The following KCNAB1 variants were observed in gnomAD, a reference collection of about 807,000 sequenced individuals.
KCNAB1 encodes the protein voltage-gated potassium channel subunit beta-1.
A neutral mutation model predicts 64.6 loss-of-function variants in KCNAB1; 35 were observed. The ratio of observed to expected loss-of-function variants is 0.54; its 90% confidence interval spans 0.41 to 0.72. The LOEUF (loss-of-function observed/expected upper bound fraction) is 0.72, where lower values mean the gene tolerates loss of function less well. KCNAB1 is among the 30% of genes least tolerant of loss of function. The pLI, the probability that KCNAB1 is intolerant of heterozygous loss-of-function variation, is 0.00. For synonymous variants in KCNAB1, 177 were observed against 183.8 expected (o/e 0.96, Z 0.30); for missense variants, 401 against 512.9 (o/e 0.78, Z 2.11).
chr3:156,509,788 CCTCA>C (rs1244875868), intron 8 of KCNAB1, among the ~76,000 whole-genome samples: 1 of 152,212 alleles, frequency 6.6e-6, no homozygotes, highest in Non-Finnish European at 1.5e-5. Flanking sequence ...AACATCCTTT[CCTCA>C]CTCAGAATTG....
intron 8 of KCNAB1, among the ~76,000 whole-genome samples, chr3:156,493,189 G>A (rs1211788864): frequency 3.3e-5 from 5 of 151,960 alleles, no homozygotes; most frequent in Admixed American, 3.3e-4. Context: ...TCTCTCACCA[G>A]ATCCCTCCAG....
intron 11 of KCNAB1, among the ~76,000 whole-genome samples, chr3:156,520,891 A>G (rs1717902065): frequency 6.6e-6 from 1 of 152,208 alleles, no homozygotes; most frequent in Non-Finnish European, 1.5e-5. Context: ...AATGTGACTG[A>G]TTCTGTCCAT....
chr3:156,153,590 C>G (rs926588607), intron 1 of KCNAB1, among the ~76,000 whole-genome samples: 9 of 152,158 alleles, frequency 5.9e-5, no homozygotes, highest in African/African-American at 2.2e-4. Flanking sequence ...AAGCAGACTG[C>G]CCTCCCCACT....
chr3:156,397,051 G>T (rs1342779849), intron 1 of KCNAB1, among the ~76,000 whole-genome samples: 1 of 152,242 alleles, frequency 6.6e-6, no homozygotes, highest in African/African-American at 2.4e-5. Flanking sequence ...AATTGCCGCT[G>T]TTCCTTGAAG....
chr3:156,410,926 T>C (rs1181932807), intron 1 of KCNAB1, among the ~76,000 whole-genome samples: 1 of 152,220 alleles, frequency 6.6e-6, no homozygotes, highest in Non-Finnish European at 1.5e-5. Context: ...TTTTTGTGTG[T>C]GAATGTAAGT....
At chr3:156,425,531 C>T (rs1394198815) in intron 2 of KCNAB1, among the ~76,000 whole-genome samples, 1 of 152,114 alleles carries the variant, frequency 6.6e-6, no homozygotes, top group African/African-American at 2.4e-5. Flanking sequence ...ATTGTCAAGA[C>T]TTGAAGTCAA....
chr3:156,436,612 A>G (rs1179334117), intron 2 of KCNAB1, among the ~76,000 whole-genome samples: 1 of 152,096 alleles, frequency 6.6e-6, no homozygotes, highest in Non-Finnish European at 1.5e-5. Flanking sequence ...GGTCATTCTA[A>G]CTGGCATGAA....
intron 8 of KCNAB1, among the ~76,000 whole-genome samples, chr3:156,502,360 A>C (rs1443208216): frequency 6.6e-6 from 1 of 152,130 alleles, no homozygotes; most frequent in Non-Finnish European, 1.5e-5. Context: ...TAGTCCCTAT[A>C]ATAGAGACTC....
At chr3:156,426,894 G>A (rs1273773826) in intron 2 of KCNAB1, among the ~76,000 whole-genome samples, 2 of 152,180 alleles carry the variant, frequency 1.3e-5, no homozygotes, top group Non-Finnish European at 2.9e-5. Flanking sequence ...GCTCAAGCTT[G>A]TGATAAGCCA....
chr3:156,413,112 G>A (rs1714794447), intron 1 of KCNAB1, among the ~76,000 whole-genome samples: 1 of 152,178 alleles, frequency 6.6e-6, no homozygotes, highest in South Asian at 2.1e-4. Flanking sequence ...TTGGGACCTG[G>A]GACTTGGCCC....
chr3:156,336,855 G>A (rs549748360), intron 1 of KCNAB1, among the ~76,000 whole-genome samples: 3 of 152,306 alleles, frequency 2.0e-5, no homozygotes, highest in Non-Finnish European at 2.9e-5. Flanking sequence ...ACTTTCACAC[G>A]AGAAATCCAA....
intron 1 of KCNAB1, among the ~76,000 whole-genome samples, chr3:156,200,857 A>G (rs978382326): frequency 2.0e-5 from 3 of 152,186 alleles, no homozygotes; most frequent in Non-Finnish European, 2.9e-5. Flanking sequence ...CCACTGGGGA[A>G]CCAACCAAAC....
At chr3:156,159,133 A>G (rs995223662) in intron 1 of KCNAB1, among the ~76,000 whole-genome samples, 1 of 152,094 alleles carries the variant, frequency 6.6e-6, no homozygotes, top group Non-Finnish European at 1.5e-5. Flanking sequence ...GTGGTGGTAA[A>G]TTCATGGTAG....
chr3:156,213,241 C>A (rs1715125592), intron 1 of KCNAB1, among the ~76,000 whole-genome samples: 1 of 145,988 alleles, frequency 6.8e-6, no homozygotes, highest in Non-Finnish European at 1.5e-5. Context: ...TCTTTTGAGA[C>A]AGAGTCTCGT....
chr3:156,227,063 T>A (rs1205543237), intron 1 of KCNAB1, among the ~76,000 whole-genome samples: 2 of 152,226 alleles, frequency 1.3e-5, no homozygotes, highest in Non-Finnish European at 2.9e-5. Context: ...CAAAGCTACA[T>A]GATGATTAAG....
chr3:156,204,067 G>C (rs1714502284), intron 1 of KCNAB1, among the ~76,000 whole-genome samples: 1 of 152,250 alleles, frequency 6.6e-6, no homozygotes, highest in Non-Finnish European at 1.5e-5. Context: ...GAAAAGAAGA[G>C]CTTAGAGTAG....
At chr3:156,523,683 A>T in intron 11 of KCNAB1, 144 bp from the exon 12 acceptor site, 1 of 734,716 alleles carries the variant, frequency 1.4e-6, no homozygotes, top group East Asian at 2.5e-5. Flanking sequence ...ATTTCTTTGC[A>T]TGAAATCATC....
At chr3:156,125,102 C>T (rs1713572666) in intron 1 of KCNAB1, among the ~76,000 whole-genome samples, 1 of 151,576 alleles carries the variant, frequency 6.6e-6, no homozygotes, top group Non-Finnish European at 1.5e-5. Context: ...TACTCCACTG[C>T]ACTCCAGCCT....
rs191418025 is a variant in KCNAB1, at chr3:156,359,737, C to T, written c.276-61879C>T. ...GCATCACCATGTTATGTGATATGTA[C>T]GGCATGCCATTATAGATTATACTTT... is the stretch of plus-strand genomic sequence containing the variant. On this transcript the variant is annotated intron_variant, in intron 1 of 13. Coordinates refer to ENST00000490337, the MANE Select transcript of KCNAB1 (RefSeq NM_172160.3). Among the ~76,000 whole-genome samples the T allele has an allele frequency of 2.1e-3, 319 of 152,276 alleles. 1 individual carries two copies. The highest frequency in any genetic ancestry group is 7.1e-3 in the African/African-American group (297 of 41,550).
Sources: gnomAD v4.1 joint callset for allele counts (sites outside exome capture counted in the v4.1 genomes callset) on GRCh38, gnomAD v4.1.1 for gene constraint, MANE v1.5 for transcripts, NCBI Gene and HGNC (gene_info 2026-07-23, HGNC 2026-07-21) for gene names.